The following PFKFB3 variants were observed in gnomAD, a reference collection of about 807,000 sequenced individuals.
The protein encoded by PFKFB3 is 6-phosphofructo-2-kinase/fructose-2,6-bisphosphatase 3.
In PFKFB3, 33 loss-of-function variants were observed where a neutral mutation model predicts 68.0. The ratio of observed to expected loss-of-function variants is 0.49; its 90% CI spans 0.37 to 0.65. The LOEUF is 0.65. Ranked by LOEUF, PFKFB3 falls within the 30% of genes least tolerant of loss-of-function variation. The pLI is 0.00. For synonymous variants in PFKFB3, 315 were observed against 288.2 expected (o/e 1.09, Z -0.94); for missense variants, 586 against 712.2 (o/e 0.82, Z 2.02).
At chr10:6,286,870 C>T in the PFKFB3 span, among the ~76,000 whole-genome samples, 1 of 151,994 alleles carries the variant, frequency 6.6e-6, no homozygotes, top group African/African-American at 2.4e-5. Context: ...TAATTATCTT[C>T]CCTCTCTTAG....
At chr10:6,170,451 G>A (rs938561590) in intron 1 of PFKFB3, among the ~76,000 whole-genome samples, 10 of 152,316 alleles carry the variant, frequency 6.6e-5, no homozygotes, top group African/African-American at 1.9e-4. Flanking sequence ...GTGCAGTGGT[G>A]CATGCCTGTA....
chr10:6,149,588 A>AG (rs1198805070), intron 1 of PFKFB3: 1 of 150,334 alleles, frequency 6.7e-6, no homozygotes, highest in Non-Finnish European at 1.5e-5. Flanking sequence ...CTCCCTCTCA[A>AG]AAAAAAAAAA....
intron 14 of PFKFB3, among the ~76,000 whole-genome samples, chr10:6,248,607 C>A (rs1588568300): frequency 9.7e-6 from 1 of 102,862 alleles, no homozygotes; most frequent in African/African-American, 3.9e-5. Context: ...CCAGCCTGGG[C>A]AACAGAGGAA....
At chr10:6,272,603 G>A in the PFKFB3 span, among the ~76,000 whole-genome samples, 45 of 152,176 alleles carry the variant, frequency 3.0e-4, no homozygotes, top group Non-Finnish European at 4.7e-4. Flanking sequence ...GCTGAGGCAG[G>A]AGAATTGTTT....
intron 1 of PFKFB3, among the ~76,000 whole-genome samples, chr10:6,160,675 G>A (rs1368464700): frequency 3.9e-5 from 5 of 127,062 alleles, no homozygotes; most frequent in Non-Finnish European, 7.8e-5. Flanking sequence ...CTGAGATCTC[G>A]CCATTGCATT....
intron 14 of PFKFB3, among the ~76,000 whole-genome samples, chr10:6,252,625 A>G (rs1846406073): frequency 6.6e-6 from 1 of 152,270 alleles, no homozygotes; most frequent in South Asian, 2.1e-4. Context: ...TTAAATGGCC[A>G]TCAATATGGA....
At chr10:6,275,318 G>A in the PFKFB3 span, among the ~76,000 whole-genome samples, 1 of 152,232 alleles carries the variant, frequency 6.6e-6, no homozygotes, top group African/African-American at 2.4e-5. The surrounding 1 kb of genome is among the most constrained non-coding windows in gnomAD (Gnocchi z 4.9). Context: ...TCTGTGACTC[G>A]GCGAAGGAGG....
At chr10:6,207,484 G>T (rs1277683547) in intron 1 of PFKFB3, among the ~76,000 whole-genome samples, 3 of 152,144 alleles carry the variant, frequency 2.0e-5, no homozygotes, top group Non-Finnish European at 4.4e-5. Context: ...TAGAGATGGG[G>T]TCTTGCTATG....
intron 11 of PFKFB3, 90 bp downstream of exon 11, chr10:6,223,074 C>T: frequency 7.4e-7 from 1 of 1,357,690 alleles, no homozygotes; most frequent in Admixed American, 2.1e-5. Context: ...GTGGCCTGCC[C>T]TGTGTTGGCT....
At chr10:6,163,164 A>G (rs1842015221) in intron 1 of PFKFB3, among the ~76,000 whole-genome samples, 1 of 152,044 alleles carries the variant, frequency 6.6e-6, no homozygotes. Context: ...TCTGACCCCT[A>G]TCCCATGTGT....
At chr10:6,281,572 C>G in the PFKFB3 span, among the ~76,000 whole-genome samples, 2,854 of 152,150 alleles carry the variant, frequency 0.019, 89 homozygotes, top group African/African-American at 0.065. Context: ...CTTCTCTTAA[C>G]TGATACATTC....
the PFKFB3 span, among the ~76,000 whole-genome samples, chr10:6,273,828 T>C: frequency 4.6e-5 from 7 of 152,148 alleles, no homozygotes; most frequent in Non-Finnish European, 8.8e-5. Context: ...GACACCTGGA[T>C]AGCTCCTTCC....
downstream of PFKFB3, among the ~76,000 whole-genome samples, chr10:6,256,062 A>G (rs1388935865): frequency 6.6e-6 from 1 of 152,190 alleles, no homozygotes; most frequent in African/African-American, 2.4e-5. Context: ...GGGATAAGCC[A>G]CATAAACTCA....
At chr10:6,169,939 A>AGT (rs1184204805) in intron 1 of PFKFB3, among the ~76,000 whole-genome samples, 3 of 152,158 alleles carry the variant, frequency 2.0e-5, no homozygotes, top group African/African-American at 7.2e-5. Flanking sequence ...AAACATTGGG[A>AGT]GTGCACTGGC....
At chr10:6,283,259 C>T in the PFKFB3 span, among the ~76,000 whole-genome samples, 6 of 152,322 alleles carry the variant, frequency 3.9e-5, no homozygotes, top group African/African-American at 1.2e-4. Context: ...TGAGCCACCG[C>T]GCCCAGCCAA....
intron 1 of PFKFB3, among the ~76,000 whole-genome samples, chr10:6,193,019 C>T (rs1293547271): frequency 6.6e-6 from 1 of 152,108 alleles, no homozygotes; most frequent in Non-Finnish European, 1.5e-5. Context: ...AAGCTGCTTC[C>T]AGCTTCTTAT....
chr10:6,180,492 G>C (rs1180416472), intron 1 of PFKFB3, among the ~76,000 whole-genome samples: 2 of 151,942 alleles, frequency 1.3e-5, no homozygotes, highest in Non-Finnish European at 2.9e-5. Flanking sequence ...TTTTGACAGA[G>C]TCTCCCACTT....
chr10:6,164,028 C>G (rs575598071), intron 1 of PFKFB3: 23 of 152,542 alleles, frequency 1.5e-4, no homozygotes, highest in African/African-American at 4.8e-4. Context: ...TTGCGCGTCC[C>G]GGCGTTGGGT....
At chr10:6,177,376 CTTTCTTTCTTTCT>C (rs1263205280) in intron 1 of PFKFB3, among the ~76,000 whole-genome samples, 4 of 109,088 alleles carry the variant, frequency 3.7e-5, no homozygotes, top group Admixed American at 9.6e-5. Context: ...TTCTTTCTTT[CTTTCTTTCTTTCT>C]TTCTTTCTTT....
Sources: allele counts gnomAD v4.1 joint callset (sites outside exome capture counted in the v4.1 genomes callset), GRCh38; gene constraint gnomAD v4.1.1; non-coding constraint Gnocchi (gnomAD v3.1); transcripts MANE v1.5; gene names NCBI Gene and HGNC (gene_info 2026-07-23, HGNC 2026-07-21).